Variants in SPON2 observed in about 807,000 individuals in gnomAD.
The protein encoded by SPON2 is spondin 2.
A neutral mutation model predicts 29.9 loss-of-function variants in SPON2; 32 were observed. That is an observed-to-expected ratio of 1.07 (90% CI 0.81 to 1.44). The LOEUF is 1.44. SPON2 is among the 40% of genes most tolerant of loss of function. The pLI is 0.00. For synonymous variants in SPON2, 248 were observed against 209.1 expected (o/e 1.19, Z -1.61); for missense variants, 541 against 455.5 (o/e 1.19, Z -1.71).
chr4:1,191,737 C>T (rs1334366478), intron 1 of SPON2, among the ~76,000 whole-genome samples: 2 of 152,228 alleles, frequency 1.3e-5, no homozygotes, highest in Non-Finnish European at 2.9e-5. Flanking sequence ...CCTCCTCGGG[C>T]TGTGTAGGCC....
At position 1,170,566 on chromosome 4, in the gene SPON2, G is replaced by A. The variant is rs1314485928; in HGVS notation, c.647C>T (p.Ser216Phe). ...PQDTVTEITS[S>F]SPSHPANSFY... ...GGAGTTGGCCGGGTGGCTGGGAGAG[G>A]AGGACGTTATCTGGGGAGGAAGAAG... The change falls in exon 5 of 6, where the codon TCC becomes TTC. Residue 216 changes from serine (S) to phenylalanine (F), a missense_variant. Coordinates refer to ENST00000290902, the MANE Select transcript of SPON2 (RefSeq NM_012445.4). 3.7e-6 allele frequency: 6 copies of A among 1,610,980 alleles called. No homozygotes were observed. The Admixed American group carries it at 5.0e-5, about 13-fold the overall frequency.
At chr4:1,176,342 GC>G (rs916196223), upstream of SPON2, among the ~76,000 whole-genome samples, 2 of 152,054 alleles carry the variant, frequency 1.3e-5, no homozygotes, top group Admixed American at 6.5e-5. Context: ...GTTCCTCTGT[GC>G]CCGCAGGCAG....
intron 5 of SPON2, among the ~76,000 whole-genome samples, chr4:1,168,937 C>T (rs1164627939): frequency 1.3e-5 from 2 of 152,206 alleles, no homozygotes; most frequent in African/African-American, 2.4e-5. Context: ...AGCCAGAAGT[C>T]ACAGGAGAGA....
In SPON2 at chr4:1,167,656, A is replaced by G. The variant is rs1727289280; in HGVS notation, c.812T>C (p.Val271Ala). ...RDNEIVDSAS[V>A]PETPLDCEVS... Reference sequence around the variant, plus strand: ...CTCGCAGTCCAGCGGCGTTTCTGGAACTGGACCAAGCAAAGGGGAGACCGA... The same window carrying G: ...CTCGCAGTCCAGCGGCGTTTCTGGAGCTGGACCAAGCAAAGGGGAGACCGA... The change falls in exon 6 of 6, where the codon GTT (valine) becomes GCT (alanine). Residue 271 changes from valine to alanine, a missense_variant and splice_region_variant. Physicochemically the swap from Val to Ala is moderately conservative, Grantham distance 64. Transcript: ENST00000290902. 2 of 1,601,086 alleles carry G rather than the reference A, an allele frequency of 1.2e-6. No homozygotes were observed. The highest frequency in any genetic ancestry group is 2.7e-5 in the African/African-American group (2 of 74,634).
At chr4:1,190,508 T>C (rs1017556588) in intron 1 of SPON2, among the ~76,000 whole-genome samples, 19 of 152,316 alleles carry the variant, frequency 1.2e-4, no homozygotes, top group African/African-American at 3.4e-4. Context: ...CCAGTATCTC[T>C]TATGAATATA....
intron 1 of SPON2, among the ~76,000 whole-genome samples, chr4:1,180,341 A>G (rs1376827416): frequency 1.3e-5 from 2 of 152,346 alleles, no homozygotes; most frequent in South Asian, 2.1e-4. Context: ...TAGATAATAC[A>G]GATTTTGCAT....
chr4:1,196,708 C>A (rs554758992), upstream of SPON2: 70 of 152,398 alleles, frequency 4.6e-4, no homozygotes, highest in African/African-American at 1.6e-3. Context: ...TCTGTGCCAC[C>A]AGAAGCAGGG....
intron 1 of SPON2, chr4:1,200,667 G>GC (rs1395531747): frequency 2.7e-6 from 1 of 375,624 alleles, no homozygotes; most frequent in Non-Finnish European, 5.4e-6. Context: ...GGCAGCCACT[G>GC]CAGGCCAGGT....
At position 1,171,009 on chromosome 4, in the gene SPON2, G is replaced by T. The variant is rs1727418122; in HGVS notation, c.626C>A (p.Thr209Lys). 2.6e-6 allele frequency: 4 copies of T among 1,548,258 alleles called. No homozygotes were observed. The highest frequency in any genetic ancestry group is 3.5e-6 in the Non-Finnish European group (4 of 1,145,402). ...SPNFATIPQDTVTEITSSSPS... is the reference protein window; with the variant it reads ...SPNFATIPQDKVTEITSSSPS... Reference sequence around the variant, plus strand: ...GGGGTGCCCACTCACCTCGGTCACCGTGTCCTGCGGGATGGTGGCGAAGTT... The same window carrying T: ...GGGGTGCCCACTCACCTCGGTCACCTTGTCCTGCGGGATGGTGGCGAAGTT... The change falls in exon 4 of 6, where the codon ACG (threonine) becomes AAG (lysine). Residue 209 changes from threonine (T) to lysine (K), a missense_variant. Physicochemically the swap from Thr to Lys is moderately conservative, Grantham distance 78 (BLOSUM62 -1). Transcript: ENST00000290902.
At chr4:1,191,626 G>A (rs930161430) in intron 1 of SPON2, among the ~76,000 whole-genome samples, 13 of 152,166 alleles carry the variant, frequency 8.5e-5, no homozygotes, top group East Asian at 3.9e-4. Context: ...GGATGATGGC[G>A]CCCCTCCTCT....
Position 1,171,124 on chromosome 4 carries a change from A to C in SPON2, c.511T>G (p.Cys171Gly), listed in dbSNP as rs542644817. The stretch of plus-strand genomic sequence containing the variant: ...TGTTCCCGCCAACGGTCCCCGTCGC[A>C]CAGGTCCAGGCTGTCCACGCCCACG... ...WFVGVDSLDL[C>G]DGDRWREQAA... The change falls in exon 4 of 6, where the codon TGC (cysteine) becomes GGC (glycine). Residue 171 changes from cysteine (C) to glycine (G), a missense_variant. By Grantham distance (159) the Cys-to-Gly change is radical. Coordinates refer to ENST00000290902, the MANE Select transcript of SPON2 (RefSeq NM_012445.4). 6.4e-7 allele frequency: 1 copy of C among 1,553,426 alleles called. No homozygotes were observed. The highest frequency in any genetic ancestry group is 1.9e-5 in the Admixed American group (1 of 51,600).
intron 1 of SPON2, among the ~76,000 whole-genome samples, chr4:1,182,133 T>C (rs1200722495): frequency 6.6e-6 from 1 of 152,168 alleles, no homozygotes; most frequent in Non-Finnish European, 1.5e-5. Context: ...AAACATGATT[T>C]TCAAAATTGT....
upstream of SPON2, among the ~76,000 whole-genome samples, chr4:1,175,255 T>G (rs1727569868): frequency 6.6e-6 from 1 of 152,234 alleles, no homozygotes; most frequent in Non-Finnish European, 1.5e-5. Context: ...TGTTCCTGTG[T>G]AGGAAGCCAG....
At chr4:1,168,460 C>A (rs941370885) in intron 5 of SPON2, among the ~76,000 whole-genome samples, 4 of 152,246 alleles carry the variant, frequency 2.6e-5, no homozygotes, top group Non-Finnish European at 5.9e-5. Flanking sequence ...GGTCAATGTG[C>A]AGGTGCAGTG....
At chr4:1,169,595 CAGGT>C in intron 5 of SPON2, among the ~76,000 whole-genome samples, 1 of 152,142 alleles carries the variant, frequency 6.6e-6, no homozygotes, top group Non-Finnish European at 1.5e-5. Flanking sequence ...GCTTGGGGGG[CAGGT>C]GTGGGGCGGC....
In SPON2 at chr4:1,202,181, G is replaced by C. The variant is rs1388348679; in HGVS notation, c.-234+5699C>G. 6.6e-6 allele frequency among the ~76,000 whole-genome samples: 1 copy of C among 152,180 alleles called. No homozygotes were observed. Among genetic ancestry groups the C allele is most frequent in the Non-Finnish European group, 1.5e-5 (1 of 68,036 alleles). ...CAGAGACTTCCTGCCTCCCCGTCTG[G>C]AGGCCAAGGTTGGGTTCTCCTCTTC... On this transcript the variant is annotated intron_variant, in intron 1 of 3. Transcript: ENST00000509233. The surrounding 1 kb of genome is among the most constrained non-coding windows in gnomAD (Gnocchi z 5.4).
chr4:1,178,942 C>T (rs1157359457), intron 2 of SPON2, among the ~76,000 whole-genome samples: 3 of 152,178 alleles, frequency 2.0e-5, no homozygotes, highest in African/African-American at 7.2e-5. Flanking sequence ...TCCCTCTTGC[C>T]CACATGCCTC....
chr4:1,204,008 T>C (rs777372744), intron 1 of SPON2, among the ~76,000 whole-genome samples: 2 of 152,138 alleles, frequency 1.3e-5, no homozygotes, highest in Non-Finnish European at 2.9e-5. Flanking sequence ...GTAGCTGGGA[T>C]TACAGGCGTG....
At chr4:1,175,291 G>A (rs994557921), upstream of SPON2, among the ~76,000 whole-genome samples, 4 of 152,236 alleles carry the variant, frequency 2.6e-5, no homozygotes, top group Non-Finnish European at 5.9e-5. Flanking sequence ...ACTCGCTGAG[G>A]CACAGTCCCC....
Sources: gnomAD v4.1 joint callset for allele counts (sites outside exome capture counted in the v4.1 genomes callset) on GRCh38, gnomAD v4.1.1 for gene constraint, Gnocchi (gnomAD v3.1) non-coding constraint, MANE v1.5 for transcripts, NCBI Gene and HGNC (gene_info 2026-07-23, HGNC 2026-07-21) for gene names.